The following PRKCH variants were observed in gnomAD, a reference collection of about 807,000 sequenced individuals.
The protein encoded by PRKCH is protein kinase C eta.
PRKCH carries 28 observed loss-of-function variants against 82.5 expected under a neutral mutation model. The ratio of observed to expected loss-of-function variants is 0.34; its 90% CI spans 0.25 to 0.47. The LOEUF (loss-of-function observed/expected upper bound fraction) is 0.47. Ranked by LOEUF, PRKCH falls within the 20% of genes least tolerant of loss-of-function variation. The probability of loss-of-function intolerance (pLI) is 1.00; values close to 1 mark genes in which losing one functional copy is unlikely to be tolerated. For missense variants in PRKCH, 705 were observed against 881.8 expected (o/e 0.80, Z 2.54); for synonymous variants, 322 against 327.4 (o/e 0.98, Z 0.18).
intron 12 of PRKCH, among the ~76,000 whole-genome samples, chr14:61,532,567 C>A (rs1413069649): frequency 2.6e-5 from 4 of 152,194 alleles, no homozygotes; most frequent in Non-Finnish European, 5.9e-5. Flanking sequence ...CCAACTAAAT[C>A]TGAAACTAGG....
Position 61,390,342 on chromosome 14 carries a change from G to A in PRKCH, c.364-883G>A. Among the ~76,000 whole-genome samples, 3 of 152,296 alleles carry A rather than the reference G, an allele frequency of 2.0e-5. No individual in the cohort carries two copies. The South Asian group carries it at 6.2e-4, about 32-fold the overall frequency. ...GCATGTCTTGATATTTCAGCTGATA[G>A]GTAACTTCAAGGTATGTTGATACTC... On this transcript the variant is annotated intron_variant, in intron 1 of 13. Transcript: ENST00000332981.
chr14:61,335,049 T>TATTG (rs2045838615), intron 1 of PRKCH, among the ~76,000 whole-genome samples: 1 of 152,128 alleles, frequency 6.6e-6, no homozygotes, highest in Non-Finnish European at 1.5e-5. Flanking sequence ...TTTATTTATT[T>TATTG]TTTGTAATCT....
intron 1 of PRKCH, among the ~76,000 whole-genome samples, chr14:61,327,919 T>C (rs1192771570): frequency 1.3e-5 from 2 of 152,244 alleles, no homozygotes; most frequent in Non-Finnish European, 2.9e-5. Flanking sequence ...AGTATTCCTC[T>C]GTTAAATCAA....
intron 10 of PRKCH, among the ~76,000 whole-genome samples, chr14:61,514,068 C>T (rs1354678153): frequency 1.3e-5 from 2 of 152,012 alleles, no homozygotes; most frequent in African/African-American, 2.4e-5. Flanking sequence ...ACCAGCATTC[C>T]AGCCTGCCTA....
chr14:61,226,162 T>A (rs572375674), intron 1 of PRKCH, among the ~76,000 whole-genome samples: 4 of 152,308 alleles, frequency 2.6e-5, no homozygotes, highest in Non-Finnish European at 5.9e-5. Context: ...AAATTCTCAG[T>A]ACTCACTCAT....
intron 1 of PRKCH, among the ~76,000 whole-genome samples, chr14:61,287,292 G>A (rs2045324021): frequency 6.6e-6 from 1 of 151,848 alleles, no homozygotes. Flanking sequence ...TTGGCTGTAG[G>A]GGTTGTGCTT....
intron 1 of PRKCH, among the ~76,000 whole-genome samples, chr14:61,340,472 A>G (rs2045918036): frequency 6.6e-6 from 1 of 152,024 alleles, no homozygotes; most frequent in African/African-American, 2.4e-5. Flanking sequence ...AGTCTCAACA[A>G]TATTGCCCAT....
upstream of PRKCH, among the ~76,000 whole-genome samples, chr14:61,320,283 A>C (rs969401806): frequency 2.0e-5 from 3 of 152,204 alleles, no homozygotes; most frequent in African/African-American, 7.2e-5. Flanking sequence ...AGCAAGACAG[A>C]ATGTAATCAA....
intron 12 of PRKCH, 62 bp from the exon 13 acceptor site, chr14:61,547,681 G>A: frequency 1.9e-6 from 3 of 1,566,508 alleles, no homozygotes; most frequent in Non-Finnish European, 2.6e-6. Flanking sequence ...GATGCCTGCT[G>A]TCTTGTGACG....
intron 1 of PRKCH, among the ~76,000 whole-genome samples, chr14:61,264,626 G>A (rs1035243448): frequency 6.6e-6 from 1 of 152,150 alleles, no homozygotes; most frequent in East Asian, 1.9e-4. Context: ...TTTTATAAAT[G>A]GGGAGTTGAA....
intron 1 of PRKCH, among the ~76,000 whole-genome samples, chr14:61,263,649 A>ATTTTTTTTATATATAAG (rs1566798920): frequency 2.0e-5 from 3 of 152,214 alleles, no homozygotes; most frequent in Non-Finnish European, 2.9e-5. Flanking sequence ...CCATTGCTGT[A>ATTTTTTTTATATATAAG]CATATTTATA....
At chr14:61,322,590 T>C in intron 1 of PRKCH, 126 bp downstream of exon 1, 1 of 1,387,438 alleles carries the variant, frequency 7.2e-7, no homozygotes, top group South Asian at 1.5e-5. Context: ...CAGACTTTGG[T>C]CTTCGTCCAC....
chr14:61,234,627 G>A (rs1003989228), intron 1 of PRKCH, among the ~76,000 whole-genome samples: 21 of 152,180 alleles, frequency 1.4e-4, no homozygotes, highest in Non-Finnish European at 8.8e-5. Context: ...CTCTGAGAAG[G>A]ATAACTCTCT....
At chr14:61,437,236 T>G (rs1426614472) in intron 2 of PRKCH, among the ~76,000 whole-genome samples, 1 of 152,254 alleles carries the variant, frequency 6.6e-6, no homozygotes, top group Non-Finnish European at 1.5e-5. Flanking sequence ...CATCTGTGTT[T>G]ACATTTTTAT....
At chr14:61,443,342 T>C in intron 3 of PRKCH, 81 bp downstream of exon 3, 1 of 1,329,332 alleles carries the variant, frequency 7.5e-7, no homozygotes, top group Non-Finnish European at 1.0e-6. Context: ...TTCAGCAGAA[T>C]GCATGATTAT....
intron 2 of PRKCH, among the ~76,000 whole-genome samples, chr14:61,429,098 C>T (rs1335563621): frequency 2.0e-5 from 3 of 152,268 alleles, no homozygotes; most frequent in Admixed American, 6.5e-5. Context: ...TTAGGGACTC[C>T]TAGCATTTTG....
At chr14:61,346,450 T>G (rs931169631) in intron 1 of PRKCH, among the ~76,000 whole-genome samples, 1 of 152,234 alleles carries the variant, frequency 6.6e-6, no homozygotes, top group Non-Finnish European at 1.5e-5. Flanking sequence ...CATTTCCCAG[T>G]TCTTAAGGCT....
chr14:61,427,778 G>T (rs533572733), intron 2 of PRKCH, among the ~76,000 whole-genome samples: 2 of 151,896 alleles, frequency 1.3e-5, no homozygotes, highest in African/African-American at 2.4e-5. Flanking sequence ...TAGAGACAGG[G>T]TTTCATCATG....
At chr14:61,400,571 A>G (rs956499037) in intron 2 of PRKCH, among the ~76,000 whole-genome samples, 1 of 152,146 alleles carries the variant, frequency 6.6e-6, no homozygotes, top group Non-Finnish European at 1.5e-5. Context: ...ATTGAGACTA[A>G]TTGTCCCTTG....
Sources: allele counts gnomAD v4.1 joint callset (sites outside exome capture counted in the v4.1 genomes callset), GRCh38; gene constraint gnomAD v4.1.1; transcripts MANE v1.5; gene names NCBI Gene and HGNC (gene_info 2026-07-23, HGNC 2026-07-21).